The following CLSTN2 variants were observed in gnomAD, a reference collection of about 807,000 sequenced individuals.
The protein encoded by CLSTN2 is calsyntenin 2.
A neutral mutation model predicts 101.2 loss-of-function variants in CLSTN2; 48 were observed. The ratio of observed to expected loss-of-function variants is 0.47; its 90% confidence interval spans 0.38 to 0.60. CLSTN2 has a LOEUF of 0.60. CLSTN2 is among the 20% of genes least tolerant of loss of function. The probability of loss-of-function intolerance (pLI) is 0.00; values close to 1 mark genes in which losing one functional copy is unlikely to be tolerated. For missense variants in CLSTN2, 1,160 were observed against 1,238.2 expected (o/e 0.94, Z 0.95); for synonymous variants, 481 against 463.6 (o/e 1.04, Z -0.48).
At chr3:140,112,847 C>G (rs904596068) in intron 1 of CLSTN2, among the ~76,000 whole-genome samples, 4 of 152,112 alleles carry the variant, frequency 2.6e-5, no homozygotes, top group African/African-American at 9.7e-5. Context: ...TGCAAACATG[C>G]CTTTAGAGAC....
chr3:140,148,514 A>G (rs192699657), intron 1 of CLSTN2, among the ~76,000 whole-genome samples: 5 of 152,338 alleles, frequency 3.3e-5, no homozygotes, highest in Admixed American at 1.3e-4. Flanking sequence ...ATTTTTCATA[A>G]TGACCCACTA....
At chr3:140,270,158 G>A (rs1454184254) in intron 2 of CLSTN2, among the ~76,000 whole-genome samples, 1 of 152,154 alleles carries the variant, frequency 6.6e-6, no homozygotes, top group Non-Finnish European at 1.5e-5. Context: ...ACCATTAATT[G>A]GAGTACTAAC....
At chr3:140,304,434 G>T (rs940591209) in intron 2 of CLSTN2, among the ~76,000 whole-genome samples, 79 of 152,286 alleles carry the variant, frequency 5.2e-4, no homozygotes, top group African/African-American at 1.9e-3. Context: ...TCTCTTCCTG[G>T]CTTGCAGATG....
intron 2 of CLSTN2, among the ~76,000 whole-genome samples, chr3:140,204,396 A>G (rs1166649270): frequency 6.6e-6 from 1 of 152,216 alleles, no homozygotes; most frequent in Non-Finnish European, 1.5e-5. Flanking sequence ...CATCATCTGT[A>G]AAGTGAGGTT....
intron 8 of CLSTN2, among the ~76,000 whole-genome samples, chr3:140,505,047 C>A (rs1414233555): frequency 1.3e-5 from 2 of 151,298 alleles, no homozygotes; most frequent in Non-Finnish European, 2.9e-5. Flanking sequence ...ACTTAACAGA[C>A]TGACTCGTAG....
intron 8 of CLSTN2, among the ~76,000 whole-genome samples, chr3:140,530,958 C>A (rs542412430): frequency 1.7e-4 from 26 of 152,332 alleles, no homozygotes; most frequent in Non-Finnish European, 2.8e-4. Context: ...GGTGCTCCTA[C>A]CTCTTTGGGT....
chr3:140,129,001 A>G (rs959197708), intron 1 of CLSTN2, among the ~76,000 whole-genome samples: 3 of 152,162 alleles, frequency 2.0e-5, no homozygotes, highest in African/African-American at 7.2e-5. Context: ...TTCGACAGTT[A>G]GGAGATCAGG....
At chr3:140,051,525 G>T (rs1227961468) in intron 1 of CLSTN2, among the ~76,000 whole-genome samples, 1 of 152,152 alleles carries the variant, frequency 6.6e-6, no homozygotes, top group East Asian at 1.9e-4. Flanking sequence ...ATAGGGAGGA[G>T]CAATAGTGCC....
At chr3:140,561,657 C>G (rs1682695017) in intron 12 of CLSTN2, among the ~76,000 whole-genome samples, 1 of 152,140 alleles carries the variant, frequency 6.6e-6, no homozygotes, top group African/African-American at 2.4e-5. Context: ...TTCTGCCCTT[C>G]AGGATCTCAG....
At chr3:140,138,327 G>T (rs1353478578) in intron 1 of CLSTN2, among the ~76,000 whole-genome samples, 2 of 152,212 alleles carry the variant, frequency 1.3e-5, no homozygotes, top group East Asian at 1.9e-4. Context: ...TGCTGTCCAT[G>T]GATCTTTTTC....
In CLSTN2 at chr3:140,149,517, A is replaced by G. The variant is rs138236951; in HGVS notation, c.110-26434A>G. On this transcript the variant is annotated intron_variant, in intron 1 of 16. Transcript: ENST00000458420. ...TGTCACCAGGCTGGAGTGCAGTGGC[A>G]CGATCTTGGCTCACTGCAACCTCTG... is the stretch of plus-strand genomic sequence containing the variant. Among the ~76,000 whole-genome samples the G allele has an allele frequency of 3.3e-5, 5 of 152,154 alleles. 1 individual carries two copies. Among genetic ancestry groups the G allele is most frequent in the African/African-American group, 1.2e-4 (5 of 41,504 alleles).
At chr3:139,961,016 C>T (rs1935498600) in intron 1 of CLSTN2, among the ~76,000 whole-genome samples, 1 of 152,140 alleles carries the variant, frequency 6.6e-6, no homozygotes, top group Non-Finnish European at 1.5e-5. Context: ...AAATCACTCA[C>T]AAAAATTTAC....
chr3:140,120,314 T>C (rs570858111), intron 1 of CLSTN2, among the ~76,000 whole-genome samples: 1 of 152,280 alleles, frequency 6.6e-6, no homozygotes, highest in South Asian at 2.1e-4. Context: ...TGGTTTATTA[T>C]AAAGGCTATT....
intron 8 of CLSTN2, among the ~76,000 whole-genome samples, chr3:140,478,834 G>A (rs1044305465): frequency 1.3e-5 from 2 of 148,946 alleles, no homozygotes; most frequent in Non-Finnish European, 1.5e-5. Flanking sequence ...AGGGATGGAA[G>A]AGGGAGAGAG....
At chr3:140,257,026 C>T (rs555849271) in intron 2 of CLSTN2, among the ~76,000 whole-genome samples, 12 of 152,242 alleles carry the variant, frequency 7.9e-5, no homozygotes, top group East Asian at 1.9e-4. Context: ...CGATGGCTCA[C>T]GCTTGTAATC....
At chr3:140,194,872 A>G (rs191053274) in intron 2 of CLSTN2, among the ~76,000 whole-genome samples, 2 of 152,322 alleles carry the variant, frequency 1.3e-5, no homozygotes, top group Non-Finnish European at 1.5e-5. Flanking sequence ...TAACTCCTCA[A>G]TTAGCCTTTT....
chr3:140,228,288 C>A (rs1188640450), intron 2 of CLSTN2, among the ~76,000 whole-genome samples: 2 of 152,190 alleles, frequency 1.3e-5, no homozygotes, highest in African/African-American at 4.8e-5. Flanking sequence ...GTCTCTAGGG[C>A]AGGGGCAAAA....
intron 2 of CLSTN2, among the ~76,000 whole-genome samples, chr3:140,177,317 A>G (rs2010339749): frequency 1.3e-5 from 2 of 152,322 alleles, no homozygotes; most frequent in South Asian, 4.1e-4. Context: ...ACCACAAAAG[A>G]TGAAGTATCT....
At chr3:140,353,828 T>C (rs1408726454) in intron 2 of CLSTN2, among the ~76,000 whole-genome samples, 3 of 152,220 alleles carry the variant, frequency 2.0e-5, no homozygotes, top group Non-Finnish European at 4.4e-5. Flanking sequence ...ATGATATGAA[T>C]GCTAGGTGGT....
Sources: allele counts gnomAD v4.1 joint callset (sites outside exome capture counted in the v4.1 genomes callset), GRCh38; gene constraint gnomAD v4.1.1; transcripts MANE v1.5; gene names NCBI Gene and HGNC (gene_info 2026-07-23, HGNC 2026-07-21).